ATP6V0A4: variants seen among roughly 807,000 people sequenced by gnomAD.
ATP6V0A4 encodes ATPase H+ transporting V0 subunit a4, also known as V-type proton ATPase 116 kDa subunit a 4.
ATP6V0A4 carries 86 observed loss-of-function variants against 107.3 expected under a neutral mutation model. The observed-to-expected ratio is 0.80, with a 90% CI of 0.67 to 0.96. The LOEUF is 0.96. Ranked by LOEUF, ATP6V0A4 falls within the 40% of genes least tolerant of loss-of-function variation. ATP6V0A4 has a pLI of 0.00. For synonymous variants in ATP6V0A4, 353 were observed against 381.4 expected (o/e 0.93, Z 0.87); for missense variants, 908 against 1,045.6 (o/e 0.87, Z 1.81).
rs1803439647 is a variant in ATP6V0A4 at position 138,707,188 on chromosome 7, T to TCTATTATATATAATATTATATAATATA, written c.2430-472_2430-471insTATATTATATAATATTATATATAATAG. Among the ~76,000 whole-genome samples, 2 of 54,412 alleles carry TCTATTATATATAATATTATATAATATA rather than the reference T, an allele frequency of 3.7e-5. 1 individual carries two copies. Among genetic ancestry groups the TCTATTATATATAATATTATATAATATA allele is most frequent in the Non-Finnish European group, 6.2e-5 (2 of 32,380 alleles). 35.7% of individuals were successfully genotyped at this position (54,412 alleles called of 152,430 possible). A position where few individuals can be genotyped will look rare whatever the true frequency, so the allele number is the denominator to read the frequency against. On this transcript the variant is annotated intron_variant, in intron 21 of 21. Coordinates refer to ENST00000310018, the MANE Select transcript of ATP6V0A4 (RefSeq NM_020632.3). ...ATATTATATATATTATATAATATAT[T>TCTATTATATATAATATTATATAATATA]ATATATATTATATAATATATTATAT...
intron 1 of ATP6V0A4, among the ~76,000 whole-genome samples, chr7:138,789,247 T>G (rs565693855): frequency 4.6e-5 from 7 of 151,078 alleles, no homozygotes; most frequent in East Asian, 2.0e-4. Context: ...TGTTGTTGTT[T>G]TTGTCTTTTT....
chr7:138,732,536 G>A (rs1805071093), intron 17 of ATP6V0A4, among the ~76,000 whole-genome samples: 1 of 152,094 alleles, frequency 6.6e-6, no homozygotes, highest in South Asian at 2.1e-4. Context: ...GCTCACACCT[G>A]TAATCCCAGC....
intron 18 of ATP6V0A4, 31 bp from the exon 19 acceptor site, chr7:138,722,056 C>T (rs200705920): frequency 6.2e-7 from 1 of 1,613,840 alleles, no homozygotes; most frequent in African/African-American, 1.3e-5. Context: ...GAGGAATGCG[C>T]TCAACTCACC....
chr7:138,734,278 A>G, intron 15 of ATP6V0A4, 24 bp from the exon 16 acceptor site: 2 of 1,612,196 alleles, frequency 1.2e-6, no homozygotes, highest in Non-Finnish European at 1.7e-6. Flanking sequence ...GGGACAAAAA[A>G]CCAAGTGAGA....
chr7:138,798,191 C>T lies in ATP6V0A4; in HGVS notation c.-278G>A, dbSNP rs1417734001. The T allele has an allele frequency of 1.9e-6, 3 of 1,585,394 alleles. No homozygotes were observed. Among genetic ancestry groups the T allele is most frequent in the Non-Finnish European group, 2.6e-6 (3 of 1,166,554 alleles). ...TCCACTCGGCTTGCTCGGCAGGTAGCGTTATGAGCTTTATTCATGGCCAGG... is the reference window on the plus strand; with the variant it reads ...TCCACTCGGCTTGCTCGGCAGGTAGTGTTATGAGCTTTATTCATGGCCAGG... On this transcript the variant is annotated 5_prime_UTR_variant, in exon 1 of 22. Transcript: ENST00000310018.
chr7:138,783,726 C>CA (rs1188174937), intron 2 of ATP6V0A4, among the ~76,000 whole-genome samples: 1 of 151,994 alleles, frequency 6.6e-6, no homozygotes, highest in East Asian at 1.9e-4. Context: ...GACCCTGTCT[C>CA]AAAAAAATAA....
intron 21 of ATP6V0A4, among the ~76,000 whole-genome samples, chr7:138,707,248 A>G (rs1289591066): frequency 1.1e-5 from 1 of 88,760 alleles, no homozygotes; most frequent in Non-Finnish European, 2.0e-5. Context: ...ATATTATATT[A>G]TATAGAATAT....
At chr7:138,737,971 A>G (rs1805432558) in intron 15 of ATP6V0A4, among the ~76,000 whole-genome samples, 1 of 151,936 alleles carries the variant, frequency 6.6e-6, no homozygotes, top group African/African-American at 2.4e-5. Context: ...CATGTTGGCC[A>G]GGCTGGTCTC....
chr7:138,722,158 T>C, intron 18 of ATP6V0A4, 133 bp from the exon 19 acceptor site: 2 of 1,443,380 alleles, frequency 1.4e-6, no homozygotes, highest in Non-Finnish European at 1.9e-6. Context: ...CACTATCTCA[T>C]TAAGCCCTCA....
chr7:138,736,264 AG>A (rs1348154416), intron 15 of ATP6V0A4, among the ~76,000 whole-genome samples: 3 of 152,126 alleles, frequency 2.0e-5, no homozygotes, highest in African/African-American at 7.2e-5. Flanking sequence ...ATAAATAAAA[AG>A]AAAATTTTAA....
intron 19 of ATP6V0A4, among the ~76,000 whole-genome samples, chr7:138,718,571 G>A (rs940878243): frequency 8.5e-6 from 1 of 118,110 alleles, no homozygotes; most frequent in Non-Finnish European, 1.8e-5. Flanking sequence ...GAGACATCCG[G>A]AGAGGCATGG....
At chr7:138,786,307 C>G (rs1808174759) in intron 1 of ATP6V0A4, 47 bp from the exon 2 acceptor site, 1 of 152,224 alleles carries the variant, frequency 6.6e-6, no homozygotes, top group African/African-American at 2.4e-5. Flanking sequence ...ATGGGCTGGG[C>G]ACAATGGCTC....
In ATP6V0A4 at chr7:138,715,995, T is replaced by G. The variant is rs1166467324; in HGVS notation, c.2140-114A>C. 6 of 1,408,156 alleles carry G rather than the reference T, an allele frequency of 4.3e-6. No individual in the cohort carries two copies. In the Admixed American group the frequency reaches 1.1e-4, roughly 25 times the overall value. The allele number at this position is 1,408,156 out of a possible 1,614,324, so 87.2% of individuals were successfully genotyped here. A position where few individuals can be genotyped will look rare whatever the true frequency, so the allele number is the denominator to read the frequency against. On this transcript the variant is annotated intron_variant, in intron 19 of 21. Transcript: ENST00000310018. ...CTTTGCTGTTCAGACACTTTCAGTCTAACTAGGGGAAAAGAAATAGTAATA... is the reference window on the plus strand; with the variant it reads ...CTTTGCTGTTCAGACACTTTCAGTCGAACTAGGGGAAAAGAAATAGTAATA...
At chr7:138,779,194 A>T (rs532787851) in intron 2 of ATP6V0A4, among the ~76,000 whole-genome samples, 79 of 151,974 alleles carry the variant, frequency 5.2e-4, no homozygotes, top group African/African-American at 1.8e-3. Context: ...ATAATAATAA[A>T]AATATTAGCC....
At chr7:138,724,361 A>G (rs1039105341) in intron 18 of ATP6V0A4, among the ~76,000 whole-genome samples, 10 of 152,050 alleles carry the variant, frequency 6.6e-5, no homozygotes, top group African/African-American at 2.4e-4. Context: ...GCTTCATCCT[A>G]TATCATGAGG....
At chr7:138,713,826 C>T (rs111816594) in intron 20 of ATP6V0A4, among the ~76,000 whole-genome samples, 1 of 151,790 alleles carries the variant, frequency 6.6e-6, no homozygotes, top group East Asian at 1.9e-4. Context: ...TCAGGCCAGG[C>T]ACAATGGCTC....
chr7:138,716,053 T>C (rs1437403353), intron 19 of ATP6V0A4, 172 bp from the exon 20 acceptor site: 1 of 471,628 alleles, frequency 2.1e-6, no homozygotes, highest in African/African-American at 2.1e-5. Flanking sequence ...CACAAAGTCG[T>C]ATGTTATGTG....
chr7:138,737,486 T>C (rs1217726706), intron 15 of ATP6V0A4, among the ~76,000 whole-genome samples: 1 of 151,880 alleles, frequency 6.6e-6, no homozygotes, highest in African/African-American at 2.4e-5. Context: ...GAAAAGGGAC[T>C]AATACAGACG....
rs573132283 is a variant in ATP6V0A4, at chr7:138,779,008, C to T, written c.-18+7150G>A. ...AGAATGAAGTGGGAGAAACGCTCTA[C>T]CCAACTTCAAGACTTACTGTACAGC... On this transcript the variant is annotated intron_variant, in intron 2 of 21. Transcript: ENST00000310018. 3.3e-5 allele frequency among the ~76,000 whole-genome samples: 5 copies of T among 152,232 alleles called. No homozygotes were observed. The East Asian group carries it at 9.7e-4, about 29-fold the overall frequency.
Sources: allele counts gnomAD v4.1 joint callset (sites outside exome capture counted in the v4.1 genomes callset), GRCh38; gene constraint gnomAD v4.1.1; transcripts MANE v1.5; gene names NCBI Gene and HGNC (gene_info 2026-07-23, HGNC 2026-07-21).